The following ATRNL1 variants were observed in gnomAD, a reference collection of about 807,000 sequenced individuals.
The protein encoded by ATRNL1 is attractin like 1.
Under a neutral mutation model 182.7 loss-of-function variants are expected in ATRNL1, and 95 were observed. The observed-to-expected ratio is 0.52, with a 90% CI of 0.44 to 0.62. The LOEUF (loss-of-function observed/expected upper bound fraction) is 0.62, where lower values mean the gene tolerates loss of function less well. ATRNL1 is among the 20% of genes least tolerant of loss of function. The pLI, the probability that ATRNL1 is intolerant of heterozygous loss-of-function variation, is 0.00. For missense variants in ATRNL1, 1,471 were observed against 1,679.5 expected, an observed-to-expected ratio of 0.88 and a Z score of 2.17; for synonymous variants, 576 against 568.3, an observed-to-expected ratio of 1.01 and a Z score of -0.19.
intron 20 of ATRNL1, among the ~76,000 whole-genome samples, chr10:115,400,058 TA>T: frequency 6.6e-6 from 1 of 152,064 alleles, no homozygotes; most frequent in Non-Finnish European, 1.5e-5. Flanking sequence ...TTCTATCATC[TA>T]TAAGGAATTT....
chr10:115,673,116 G>C (rs529835619), intron 26 of ATRNL1, among the ~76,000 whole-genome samples: 1 of 152,132 alleles, frequency 6.6e-6, no homozygotes, highest in Non-Finnish European at 1.5e-5. Flanking sequence ...TGCAGATATT[G>C]AAGTGTCACC....
intron 28 of ATRNL1, among the ~76,000 whole-genome samples, chr10:115,875,677 G>A (rs1951684290): frequency 6.6e-6 from 1 of 152,200 alleles, no homozygotes; most frequent in East Asian, 1.9e-4. Context: ...TATGTATTGA[G>A]CACTTACTAG....
At chr10:115,631,331 A>G (rs900773547) in intron 26 of ATRNL1, among the ~76,000 whole-genome samples, 2 of 152,266 alleles carry the variant, frequency 1.3e-5, no homozygotes, top group East Asian at 3.9e-4. Flanking sequence ...TACCTTAAAC[A>G]TACATAAATT....
chr10:115,382,915 C>T (rs146609872), intron 19 of ATRNL1, among the ~76,000 whole-genome samples: 76 of 151,876 alleles, frequency 5.0e-4, no homozygotes, highest in African/African-American at 1.8e-3. Flanking sequence ...GTCAATTGTC[C>T]ATAAATGTAA....
chr10:115,874,816 G>A (rs782787788), intron 28 of ATRNL1, among the ~76,000 whole-genome samples: 8 of 152,262 alleles, frequency 5.3e-5, no homozygotes, highest in African/African-American at 1.7e-4. Flanking sequence ...AAGAAAGATC[G>A]AAAATGCCAG....
chr10:115,763,916 A>G (rs781857974), intron 27 of ATRNL1, among the ~76,000 whole-genome samples: 10 of 152,212 alleles, frequency 6.6e-5, no homozygotes, highest in Non-Finnish European at 1.3e-4. Context: ...TGAAAGAAAC[A>G]GAAGATGATA....
intron 21 of ATRNL1, among the ~76,000 whole-genome samples, chr10:115,457,832 C>T (rs1310802012): frequency 6.6e-6 from 1 of 151,718 alleles, no homozygotes; most frequent in Non-Finnish European, 1.5e-5. Flanking sequence ...CCAAATTCCT[C>T]CTCCCTCTCC....
chr10:115,773,641 C>T (rs1346480159), intron 27 of ATRNL1, among the ~76,000 whole-genome samples: 1 of 152,050 alleles, frequency 6.6e-6, no homozygotes, highest in Non-Finnish European at 1.5e-5. Flanking sequence ...AAGCTTAGAG[C>T]CCTTCTAAGA....
Position 115,093,596 on chromosome 10 carries a change from CT to C in ATRNL1, c.-154del. On this transcript the variant is annotated 5_prime_UTR_variant, in exon 1 of 29. It introduces an in-frame stop codon into an upstream open reading frame of the 5' UTR. Coordinates refer to ENST00000355044, the MANE Select transcript of ATRNL1 (RefSeq NM_207303.4). The surrounding 1 kb of genome is among the most constrained non-coding windows in gnomAD (Gnocchi z 6.1). The stretch of plus-strand genomic sequence containing the variant: ...GAGCGGAGGCGACGGCGGTTGGGAT[CT>C]GTCCCTCCTGACCGGGGAGCGGGAC... 1 of 864,038 alleles carries C rather than the reference CT, an allele frequency of 1.2e-6. No homozygotes were observed. The highest frequency in any genetic ancestry group is 2.1e-5 in the Admixed American group (1 of 48,210). 53.5% of individuals were successfully genotyped at this position (864,038 alleles called of 1,614,324 possible).
At chr10:115,838,569 G>A (rs1477894059) in intron 27 of ATRNL1, among the ~76,000 whole-genome samples, 1 of 152,120 alleles carries the variant, frequency 6.6e-6, no homozygotes, top group Non-Finnish European at 1.5e-5. Context: ...GCTGGCATTG[G>A]TGGTTTCTGG....
intron 26 of ATRNL1, among the ~76,000 whole-genome samples, chr10:115,686,748 C>A (rs2133962732): frequency 6.6e-6 from 1 of 152,016 alleles, no homozygotes; most frequent in South Asian, 2.1e-4. Flanking sequence ...GCTTGATATC[C>A]AAGTTATCTT....
At chr10:115,492,921 G>A (rs535845474) in intron 24 of ATRNL1, among the ~76,000 whole-genome samples, 40 of 152,098 alleles carry the variant, frequency 2.6e-4, no homozygotes, top group South Asian at 1.9e-3. Context: ...GGGATTACAG[G>A]CGTGAGTCAC....
At chr10:115,761,219 T>A (rs973566150) in intron 27 of ATRNL1, among the ~76,000 whole-genome samples, 2 of 152,238 alleles carry the variant, frequency 1.3e-5, no homozygotes, top group African/African-American at 4.8e-5. Context: ...TGTGAAGTGC[T>A]TGGAATTGGC....
chr10:115,806,831 G>A (rs571740707), intron 27 of ATRNL1, among the ~76,000 whole-genome samples: 4 of 152,160 alleles, frequency 2.6e-5, no homozygotes, highest in Admixed American at 6.5e-5. Context: ...TATAGGGTTC[G>A]TATGAGGATT....
chr10:115,941,104 G>A (rs575316783), intron 28 of ATRNL1, among the ~76,000 whole-genome samples: 3 of 152,098 alleles, frequency 2.0e-5, no homozygotes, highest in African/African-American at 4.8e-5. Context: ...AGTGCACCAC[G>A]GCGAACACTT....
chr10:115,241,507 A>T (rs1346376622), intron 9 of ATRNL1, 64 bp from the exon 10 acceptor site: 1 of 1,133,086 alleles, frequency 8.8e-7, no homozygotes, highest in Non-Finnish European at 1.3e-6. Context: ...CCTTTATATA[A>T]CATATATAAA....
intron 25 of ATRNL1, among the ~76,000 whole-genome samples, chr10:115,546,663 G>C (rs1195361358): frequency 2.0e-5 from 3 of 151,972 alleles, no homozygotes; most frequent in Non-Finnish European, 4.4e-5. Context: ...CCTCAACCTT[G>C]GCAATATTAG....
At chr10:115,662,443 C>G (rs10159871) in intron 26 of ATRNL1, among the ~76,000 whole-genome samples, 1,772 of 152,108 alleles carry the variant, frequency 0.012, 36 homozygotes, top group African/African-American at 0.04. Context: ...CCATTTGACC[C>G]AGCAATCCCA....
chr10:115,727,379 G>C (rs1565323613), intron 27 of ATRNL1, 24 bp downstream of exon 27: 20 of 1,553,718 alleles, frequency 1.3e-5, no homozygotes, highest in Non-Finnish European at 1.8e-5. Context: ...TGCTGAAAGA[G>C]GACCACTGTG....
Sources: allele counts gnomAD v4.1 joint callset (sites outside exome capture counted in the v4.1 genomes callset), GRCh38; gene constraint gnomAD v4.1.1; non-coding constraint Gnocchi (gnomAD v3.1); transcripts MANE v1.5; gene names NCBI Gene and HGNC (gene_info 2026-07-23, HGNC 2026-07-21).